Variants in ADAMTS3 observed in about 807,000 individuals in gnomAD.
ADAMTS3 encodes A disintegrin and metalloproteinase with thrombospondin motifs 3.
ADAMTS3 carries 73 observed loss-of-function variants against 129.0 expected under a neutral mutation model. The observed-to-expected ratio is 0.57, with a 90% confidence interval of 0.47 to 0.69. The LOEUF (loss-of-function observed/expected upper bound fraction) is 0.69. Ranked by LOEUF, ADAMTS3 falls within the 30% of genes least tolerant of loss-of-function variation. The pLI is 0.00. For synonymous variants in ADAMTS3, 477 were observed against 510.8 expected (o/e 0.93, Z 0.89); for missense variants, 1,457 against 1,514.5 (o/e 0.96, Z 0.63).
intron 3 of ADAMTS3, among the ~76,000 whole-genome samples, chr4:72,498,635 ACTCTCTCT>A (rs141849709): frequency 6.6e-6 from 1 of 150,700 alleles, no homozygotes; most frequent in African/African-American, 2.4e-5. Context: ...TCTCTCTCTC[ACTCTCTCT>A]CTCTTTCTCA....
chr4:72,543,089 A>T (rs770162292), intron 3 of ADAMTS3, among the ~76,000 whole-genome samples: 4 of 152,228 alleles, frequency 2.6e-5, no homozygotes, highest in Non-Finnish European at 5.9e-5. Context: ...TTCATGGAAT[A>T]TGTGTATTAT....
chr4:72,393,806 G>A (rs1326184960), intron 4 of ADAMTS3, among the ~76,000 whole-genome samples: 1 of 152,198 alleles, frequency 6.6e-6, no homozygotes, highest in Non-Finnish European at 1.5e-5. Context: ...GGCTAGGAAA[G>A]AAGGTTAAGA....
chr4:72,307,312 G>A (rs1719113402), intron 15 of ADAMTS3, among the ~76,000 whole-genome samples: 1 of 152,082 alleles, frequency 6.6e-6, no homozygotes, highest in East Asian at 1.9e-4. Context: ...GTTTGCCTGA[G>A]TACACAGTGG....
At position 72,290,986 on chromosome 4, in the gene ADAMTS3, G is replaced by A. The variant is rs906336568; in HGVS notation, c.2800C>T (p.Leu934Phe). ...TTGGTGCCATCAAGGAGTGGCTGAA[G>A]GCAGCGTACAGTGCGAAGCTGATAG... ...SGYQLRTVRCLQPLLDGTNRS... is the reference protein window; with the variant it reads ...SGYQLRTVRCFQPLLDGTNRS... The change falls in exon 20 of 22, where the codon CTT (leucine) becomes TTT (phenylalanine). Residue 934 changes from leucine (L) to phenylalanine (F), a missense_variant. Leu to Phe is a conservative substitution (Grantham distance 22, BLOSUM62 0). Coordinates refer to ENST00000286657, the MANE Select transcript of ADAMTS3 (RefSeq NM_014243.3). The A allele has an allele frequency of 2.5e-6, 4 of 1,613,946 alleles. No individual in the cohort carries two copies. The African/African-American group carries it at 5.3e-5, about 22-fold the overall frequency.
At chr4:72,525,103 G>A (rs1484796438) in intron 3 of ADAMTS3, among the ~76,000 whole-genome samples, 1 of 152,152 alleles carries the variant, frequency 6.6e-6, no homozygotes, top group Non-Finnish European at 1.5e-5. Context: ...CTGTAGTTCT[G>A]CAACTGCAAC....
At chr4:72,551,880 G>A (rs1376899303) in intron 2 of ADAMTS3, among the ~76,000 whole-genome samples, 2 of 152,074 alleles carry the variant, frequency 1.3e-5, no homozygotes, top group African/African-American at 4.8e-5. Flanking sequence ...TTTAAGATCT[G>A]ATTTATAAAA....
chr4:72,370,235 G>A (rs950631664), intron 4 of ADAMTS3, among the ~76,000 whole-genome samples: 13 of 152,092 alleles, frequency 8.5e-5, no homozygotes, highest in African/African-American at 1.7e-4. Flanking sequence ...ATCTGTGAAC[G>A]GACCAGTGGC....
chr4:72,512,743 C>G (rs1002529614), intron 3 of ADAMTS3, among the ~76,000 whole-genome samples: 1 of 152,056 alleles, frequency 6.6e-6, no homozygotes, highest in Non-Finnish European at 1.5e-5. Context: ...TATGTACCCA[C>G]AAAAATTAAA....
chr4:72,344,233 A>C (rs1720214048), intron 4 of ADAMTS3, among the ~76,000 whole-genome samples: 2 of 152,192 alleles, frequency 1.3e-5, no homozygotes, highest in African/African-American at 4.8e-5. Context: ...TATGGACACT[A>C]AGGCTTGAAA....
chr4:72,528,015 C>G (rs968514014), intron 3 of ADAMTS3, among the ~76,000 whole-genome samples: 2 of 152,144 alleles, frequency 1.3e-5, no homozygotes, highest in African/African-American at 4.8e-5. Flanking sequence ...AGTCACCACT[C>G]TCATGGAATT....
intron 4 of ADAMTS3, among the ~76,000 whole-genome samples, chr4:72,375,458 A>C (rs1721112917): frequency 6.6e-6 from 1 of 152,184 alleles, no homozygotes; most frequent in South Asian, 2.1e-4. Context: ...CAGAGCTTAA[A>C]TGAGTAACTG....
chr4:72,421,191 C>T (rs895556810), intron 3 of ADAMTS3, among the ~76,000 whole-genome samples: 1 of 152,212 alleles, frequency 6.6e-6, no homozygotes, highest in Non-Finnish European at 1.5e-5. Flanking sequence ...ACACTTTATG[C>T]CTTGCTCTTT....
intron 2 of ADAMTS3, among the ~76,000 whole-genome samples, chr4:72,555,204 T>C (rs146061868): frequency 6.6e-6 from 1 of 151,894 alleles, no homozygotes; most frequent in East Asian, 1.9e-4. Flanking sequence ...AATCAGAGAT[T>C]AAGTAACTTA....
chr4:72,332,680 C>T (rs1472696991), intron 5 of ADAMTS3, among the ~76,000 whole-genome samples: 1 of 152,066 alleles, frequency 6.6e-6, no homozygotes, highest in East Asian at 1.9e-4. Flanking sequence ...TACCTTTGAC[C>T]TGTCACAGAC....
intron 3 of ADAMTS3, among the ~76,000 whole-genome samples, chr4:72,500,394 G>A (rs577727947): frequency 1.8e-4 from 27 of 151,902 alleles, no homozygotes; most frequent in African/African-American, 5.1e-4. Flanking sequence ...ATTTTTTCAC[G>A]TTTGTTGGCA....
chr4:72,402,879 T>G (rs931650645), intron 4 of ADAMTS3, among the ~76,000 whole-genome samples: 11 of 152,132 alleles, frequency 7.2e-5, no homozygotes, highest in African/African-American at 2.7e-4. Flanking sequence ...AGTGTCTCAA[T>G]GCAAAGTGTT....
intron 4 of ADAMTS3, among the ~76,000 whole-genome samples, chr4:72,380,986 T>G (rs916956675): frequency 6.6e-6 from 1 of 152,110 alleles, no homozygotes; most frequent in Non-Finnish European, 1.5e-5. Context: ...GGAGGTGACA[T>G]TTATCACTGA....
intron 3 of ADAMTS3, among the ~76,000 whole-genome samples, chr4:72,516,601 T>G (rs201702216): frequency 0.032 from 4,913 of 152,162 alleles, 250 homozygotes; most frequent in African/African-American, 0.11. Context: ...TGAAGGAATT[T>G]TGAATGGGAG....
At chr4:72,460,560 A>T (rs907447067) in intron 3 of ADAMTS3, among the ~76,000 whole-genome samples, 49 of 151,402 alleles carry the variant, frequency 3.2e-4, no homozygotes, top group African/African-American at 1.0e-3. Flanking sequence ...ATTTATTTTT[A>T]AAAATATATT....
Sources: gnomAD v4.1 joint callset for allele counts (sites outside exome capture counted in the v4.1 genomes callset) on GRCh38, gnomAD v4.1.1 for gene constraint, MANE v1.5 for transcripts, NCBI Gene and HGNC (gene_info 2026-07-23, HGNC 2026-07-21) for gene names.